Variants in CDKL4 observed in about 807,000 individuals in gnomAD.
CDKL4 encodes cyclin-dependent kinase-like 4.
In CDKL4, 44 loss-of-function variants were observed where a neutral mutation model predicts 42.0. The observed-to-expected ratio is 1.05, with a 90% CI of 0.82 to 1.35. The LOEUF (loss-of-function observed/expected upper bound fraction) is 1.35. CDKL4 is among the 40% of genes most tolerant of loss of function. The probability of loss-of-function intolerance (pLI) is 0.00; values close to 1 mark genes in which losing one functional copy is unlikely to be tolerated. For missense variants in CDKL4, 393 were observed against 369.9 expected (o/e 1.06, Z -0.51); for synonymous variants, 120 against 121.6 (o/e 0.99, Z 0.09).
chr2:39,183,756 A>G (rs1490262768), intron 8 of CDKL4, among the ~76,000 whole-genome samples: 1 of 152,164 alleles, frequency 6.6e-6, no homozygotes, highest in Non-Finnish European at 1.5e-5. Context: ...AAGATAGGGT[A>G]GATGGCAGCT....
At chr2:39,198,321 C>T (rs1328606614) in intron 5 of CDKL4, among the ~76,000 whole-genome samples, 1 of 149,544 alleles carries the variant, frequency 6.7e-6, no homozygotes, top group African/African-American at 2.4e-5. Flanking sequence ...ACGCACCTAA[C>T]ATTGGAGCTT....
chr2:39,203,410 T>C (rs1676974096), intron 5 of CDKL4, among the ~76,000 whole-genome samples: 1 of 151,692 alleles, frequency 6.6e-6, no homozygotes, highest in African/African-American at 2.4e-5. Context: ...TCACTTATTT[T>C]TGTGACAATT....
chr2:39,200,727 A>G (rs901829580), intron 5 of CDKL4, among the ~76,000 whole-genome samples: 4 of 152,212 alleles, frequency 2.6e-5, no homozygotes, highest in African/African-American at 7.2e-5. Context: ...AAACAAAAAC[A>G]TAAAGTGATG....
chr2:39,187,101 T>C (rs912404320), intron 7 of CDKL4, among the ~76,000 whole-genome samples: 2 of 152,076 alleles, frequency 1.3e-5, no homozygotes, highest in African/African-American at 4.8e-5. Context: ...GTTCTCATGA[T>C]AGTAAGGGAG....
At chr2:39,196,128 T>C (rs1676503167) in intron 5 of CDKL4, among the ~76,000 whole-genome samples, 2 of 152,210 alleles carry the variant, frequency 1.3e-5, no homozygotes, top group South Asian at 4.1e-4. Context: ...GCAGCTGATG[T>C]GCTCTTGAGA....
intron 6 of CDKL4, among the ~76,000 whole-genome samples, chr2:39,187,968 T>C (rs1675929735): frequency 6.6e-6 from 1 of 151,936 alleles, no homozygotes; most frequent in African/African-American, 2.4e-5. Flanking sequence ...CTCAGGAGGC[T>C]GAGGCAGGAG....
intron 1 of CDKL4, among the ~76,000 whole-genome samples, chr2:39,233,592 T>C (rs1048329017): frequency 6.6e-6 from 1 of 152,104 alleles, no homozygotes; most frequent in East Asian, 1.9e-4. Flanking sequence ...TCTCTTGGCC[T>C]AGGATGATAG....
At chr2:39,187,748 C>A in intron 6 of CDKL4, 39 bp from the exon 7 acceptor site, 1 of 1,437,286 alleles carries the variant, frequency 7.0e-7, no homozygotes, top group Non-Finnish European at 9.7e-7. Flanking sequence ...ATAAATTTGG[C>A]AAAGAATAAT....
At chr2:39,208,136 TA>T (rs1377242869) in intron 4 of CDKL4, among the ~76,000 whole-genome samples, 1 of 151,644 alleles carries the variant, frequency 6.6e-6, no homozygotes, top group Admixed American at 6.6e-5. Context: ...TTTAAAAAAT[TA>T]AAAAATAAAT....
rs34797813 is a variant in CDKL4, at chr2:39,212,234, A to ATTT, written c.363+1163_363+1165dup. Among the ~76,000 whole-genome samples, 84 of 141,570 alleles carry ATTT rather than the reference A, an allele frequency of 5.9e-4. 1 individual carries two copies. Among genetic ancestry groups the ATTT allele is most frequent in the African/African-American group, 1.9e-3 (74 of 38,444 alleles). The allele number at this position is 141,570 out of a possible 152,430, so 92.9% of individuals were successfully genotyped here. ...AACTACGGCTATAAAAAATTAATGA[A>ATTT]TTTTTTTTTTTTTTTTTGAGACAGA... On this transcript the variant is annotated intron_variant, in intron 4 of 9. Coordinates refer to ENST00000451199, the Ensembl canonical transcript of CDKL4.
chr2:39,190,285 C>T lies in CDKL4; in HGVS notation c.652+20G>A. On this transcript the variant is annotated intron_variant, in intron 6 of 9. Transcript: ENST00000451199. ...CTATAACAATTCAGCAACTCTGTTG[C>T]CATAAAATGCAATTCATACCTAGTG... 6.3e-7 allele frequency: 1 copy of T among 1,589,984 alleles called. No homozygotes were observed. The highest frequency in any genetic ancestry group is 1.1e-5 in the South Asian group (1 of 90,240).
At chr2:39,170,074 G>A in the CDKL4 span, among the ~76,000 whole-genome samples, 1 of 151,910 alleles carries the variant, frequency 6.6e-6, no homozygotes, top group Non-Finnish European at 1.5e-5. Flanking sequence ...ATGTTGCCCA[G>A]GCTAGTCTCA....
At chr2:39,189,788 T>C (rs1293626066) in intron 6 of CDKL4, among the ~76,000 whole-genome samples, 1 of 152,252 alleles carries the variant, frequency 6.6e-6, no homozygotes, top group South Asian at 2.1e-4. Context: ...GCTCATTTGT[T>C]GACATGCTGC....
intron 2 of CDKL4, among the ~76,000 whole-genome samples, chr2:39,228,238 G>A (rs1271701215): frequency 6.6e-6 from 1 of 152,292 alleles, no homozygotes; most frequent in East Asian, 1.9e-4. Context: ...CTGCAGCTTA[G>A]CTCAGTGAGG....
downstream of CDKL4, among the ~76,000 whole-genome samples, chr2:39,173,164 T>C (rs1346541630): frequency 6.6e-6 from 1 of 152,190 alleles, no homozygotes; most frequent in Non-Finnish European, 1.5e-5. Flanking sequence ...GTATATCATA[T>C]TTTATGTGTG....
chr2:39,199,857 G>C (rs1676743380), intron 5 of CDKL4, among the ~76,000 whole-genome samples: 1 of 151,936 alleles, frequency 6.6e-6, no homozygotes, highest in Admixed American at 6.6e-5. Context: ...AAAAACCATT[G>C]ATGACAAACC....
At chr2:39,190,057 T>G (rs1676082336) in intron 6 of CDKL4, among the ~76,000 whole-genome samples, 1 of 152,188 alleles carries the variant, frequency 6.6e-6, no homozygotes, top group Non-Finnish European at 1.5e-5. Flanking sequence ...GTATAGTTTA[T>G]TCCATGGCTA....
intron 4 of CDKL4, among the ~76,000 whole-genome samples, chr2:39,210,331 G>A (rs7569834): frequency 0.89 from 134,881 of 152,088 alleles, 60,101 homozygotes; most frequent in Non-Finnish European, 0.94. Flanking sequence ...CATATTATCA[G>A]TCAGAAGTTT....
At chr2:39,171,111 T>C (rs921786943), downstream of CDKL4, among the ~76,000 whole-genome samples, 1 of 151,962 alleles carries the variant, frequency 6.6e-6, no homozygotes, top group African/African-American at 2.4e-5. Flanking sequence ...TGGTGGCACA[T>C]GCCTGTAATC....
Sources: allele counts gnomAD v4.1 joint callset (sites outside exome capture counted in the v4.1 genomes callset), GRCh38; gene constraint gnomAD v4.1.1; transcripts MANE v1.5; gene names NCBI Gene and HGNC (gene_info 2026-07-23, HGNC 2026-07-21).